Variants in PABPC4L observed in about 807,000 individuals in gnomAD.
The protein encoded by PABPC4L is polyadenylate-binding protein 4-like.
For synonymous variants in PABPC4L, 169 were observed against 164.1 expected (o/e 1.03, Z -0.23); for missense variants, 452 against 451.4 (o/e 1.00, Z -0.01).
chr4:134,077,608 G>T, the PABPC4L span, among the ~76,000 whole-genome samples: 3 of 152,210 alleles, frequency 2.0e-5, no homozygotes, highest in East Asian at 3.9e-4. Flanking sequence ...CCAGTTGTGT[G>T]CACATTTTCA....
the PABPC4L span, among the ~76,000 whole-genome samples, chr4:134,019,262 G>T: frequency 6.6e-6 from 1 of 152,102 alleles, no homozygotes; most frequent in African/African-American, 2.4e-5. Context: ...GGGATGAATT[G>T]AAAACATTTA....
chr4:134,084,513 T>A, the PABPC4L span, among the ~76,000 whole-genome samples: 1 of 152,300 alleles, frequency 6.6e-6, no homozygotes, highest in East Asian at 1.9e-4. Context: ...AAAAAAAGAT[T>A]ATTTAGAAAA....
the PABPC4L span, among the ~76,000 whole-genome samples, chr4:134,042,936 C>T: frequency 4.6e-5 from 7 of 152,028 alleles, no homozygotes; most frequent in Non-Finnish European, 7.4e-5. Flanking sequence ...GCTTAGAATT[C>T]CGTGACTCAT....
the PABPC4L span, among the ~76,000 whole-genome samples, chr4:134,168,367 A>C: frequency 6.6e-6 from 1 of 152,104 alleles, no homozygotes; most frequent in Admixed American, 6.5e-5. Context: ...AAGAAGTAGA[A>C]CAGCAAGAGC....
the PABPC4L span, among the ~76,000 whole-genome samples, chr4:134,160,693 T>C: frequency 7.2e-5 from 11 of 151,840 alleles, no homozygotes; most frequent in Non-Finnish European, 1.2e-4. Context: ...CTGGGCAACA[T>C]AGTAAGACTC....
At chr4:134,005,358 T>A in the PABPC4L span, among the ~76,000 whole-genome samples, 2 of 151,900 alleles carry the variant, frequency 1.3e-5, no homozygotes, top group African/African-American at 4.8e-5. Context: ...ATAATGAGTA[T>A]TTTTATCTTT....
the PABPC4L span, among the ~76,000 whole-genome samples, chr4:134,037,178 T>A: frequency 1.3e-5 from 2 of 152,182 alleles, no homozygotes; most frequent in Middle Eastern, 3.4e-3. Context: ...TCTAATTCTG[T>A]AAAAAATATA....
the PABPC4L span, among the ~76,000 whole-genome samples, chr4:134,099,375 A>C: frequency 6.6e-6 from 1 of 151,760 alleles, no homozygotes; most frequent in East Asian, 1.9e-4. Context: ...AAGCATGTAC[A>C]TCTTGGAATA....
At chr4:134,023,289 A>G in the PABPC4L span, among the ~76,000 whole-genome samples, 1 of 152,172 alleles carries the variant, frequency 6.6e-6, no homozygotes, top group Non-Finnish European at 1.5e-5. Flanking sequence ...TACCAAGTCT[A>G]AACTTTTATT....
At chr4:134,175,112 A>G in the PABPC4L span, among the ~76,000 whole-genome samples, 1 of 152,278 alleles carries the variant, frequency 6.6e-6, no homozygotes, top group East Asian at 1.9e-4. Context: ...ACATAGTAAA[A>G]CATGACAGTG....
At chr4:134,133,486 G>A in the PABPC4L span, among the ~76,000 whole-genome samples, 1 of 146,818 alleles carries the variant, frequency 6.8e-6, no homozygotes, top group African/African-American at 2.5e-5. Context: ...ATACACTGTG[G>A]AGTACTACTC....
At chr4:134,026,485 C>T in the PABPC4L span, among the ~76,000 whole-genome samples, 11 of 151,998 alleles carry the variant, frequency 7.2e-5, no homozygotes, top group Admixed American at 2.0e-4. Context: ...ATCCCTGTCA[C>T]CTAGAATTAT....
the PABPC4L span, among the ~76,000 whole-genome samples, chr4:134,090,505 T>G: frequency 6.6e-6 from 1 of 152,088 alleles, no homozygotes; most frequent in African/African-American, 2.4e-5. Context: ...CAGTGGCTTA[T>G]GCCTGTAATT....
At position 134,199,082 on chromosome 4, in the gene PABPC4L, A is replaced by G. The variant is rs372857020; in HGVS notation, c.*825T>C. On this transcript the variant is annotated 3_prime_UTR_variant, in exon 2 of 2. Transcript: ENST00000421491. ...TAATATTAGCATCTGGTAAAAATTT[A>G]AGATAATATATTAAGCCATATAGGT... 1 of 152,194 alleles carries G rather than the reference A, an allele frequency of 6.6e-6. No homozygotes were observed. The highest frequency in any genetic ancestry group is 1.9e-4 in the East Asian group (1 of 5,186). 9.4% of individuals were successfully genotyped at this position (152,194 alleles called of 1,614,324 possible). A position where few individuals can be genotyped will look rare whatever the true frequency, so the allele number is the denominator to read the frequency against.
chr4:134,099,806 C>T, the PABPC4L span, among the ~76,000 whole-genome samples: 15 of 151,726 alleles, frequency 9.9e-5, no homozygotes, highest in African/African-American at 2.9e-4. Flanking sequence ...ACCCTCCACA[C>T]GAAACCGTAA....
chr4:134,085,759 C>T, the PABPC4L span, among the ~76,000 whole-genome samples: 2 of 152,090 alleles, frequency 1.3e-5, no homozygotes, highest in Non-Finnish European at 2.9e-5. Context: ...ATTTTCATTG[C>T]TGTATACCAC....
the PABPC4L span, among the ~76,000 whole-genome samples, chr4:133,984,743 C>T: frequency 6.6e-6 from 1 of 151,654 alleles, no homozygotes; most frequent in Non-Finnish European, 1.5e-5. Flanking sequence ...CATATTTAGC[C>T]CTGATTTCTT....
At chr4:134,053,813 C>G in the PABPC4L span, among the ~76,000 whole-genome samples, 3 of 151,914 alleles carry the variant, frequency 2.0e-5, no homozygotes, top group African/African-American at 7.2e-5. Flanking sequence ...GAATATTGTG[C>G]TTATTCTTGT....
the PABPC4L span, among the ~76,000 whole-genome samples, chr4:134,117,116 T>A: frequency 1.3e-5 from 2 of 151,736 alleles, no homozygotes; most frequent in African/African-American, 2.4e-5. Flanking sequence ...GCTATTTGCA[T>A]TTTCAAACTA....
Sources: gnomAD v4.1 joint callset for allele counts (sites outside exome capture counted in the v4.1 genomes callset) on GRCh38, gnomAD v4.1.1 for gene constraint, MANE v1.5 for transcripts, NCBI Gene and HGNC (gene_info 2026-07-23, HGNC 2026-07-21) for gene names.